The following OGDH variants were observed in gnomAD, a reference collection of about 807,000 sequenced individuals.
The protein encoded by OGDH is 2-oxoglutarate dehydrogenase complex component E1.
A neutral mutation model predicts 116.6 loss-of-function variants in OGDH; 38 were observed. The observed-to-expected ratio is 0.33, with a 90% CI of 0.25 to 0.43. The LOEUF is 0.43. Ranked by LOEUF, OGDH falls within the 20% of genes least tolerant of loss-of-function variation. The pLI is 1.00. For synonymous variants in OGDH, 488 were observed against 533.3 expected, an observed-to-expected ratio of 0.92 and a Z score of 1.17; for missense variants, 825 against 1,357.2, an observed-to-expected ratio of 0.61 and a Z score of 6.16.
intron 1 of OGDH, among the ~76,000 whole-genome samples, chr7:44,615,434 G>A (rs1784733754): frequency 6.6e-6 from 1 of 152,152 alleles, no homozygotes. Flanking sequence ...TCCCTACCTG[G>A]TCTCCACTAT....
Position 44,673,993 on chromosome 7 carries a change from C to T in OGDH, c.788+52C>T, listed in dbSNP as rs778237138. 15 of 1,609,096 alleles carry T rather than the reference C, an allele frequency of 9.3e-6. No individual in the cohort carries two copies. The South Asian group carries it at 1.4e-4, about 15-fold the overall frequency. On this transcript the variant is annotated intron_variant, in intron 6 of 22. Coordinates refer to ENST00000222673, the MANE Select transcript of OGDH (RefSeq NM_002541.4). The stretch of plus-strand genomic sequence containing the variant: ...GCAGACATTCCCAGGGAAGCAGTGA[C>T]CCTGTCTGTGTTGATCGGGCCTGTG...
intron 20 of OGDH, among the ~76,000 whole-genome samples, chr7:44,704,760 GAGTGCATT>G (rs1201789427): frequency 6.6e-6 from 1 of 151,976 alleles, no homozygotes; most frequent in Non-Finnish European, 1.5e-5. Flanking sequence ...ACCCAGGCTG[GAGTGCATT>G]AGTGCAATCT....
chr7:44,707,178 GC>G lies in OGDH; in HGVS notation c.2633-45del. ...AGCCCTGGGCCCAGGAGAGCTCTCA[GC>G]CACATACCTGAGAGAACCAGCCTAG... On this transcript the variant is annotated intron_variant, in intron 20 of 22. Coordinates refer to ENST00000222673, the MANE Select transcript of OGDH (RefSeq NM_002541.4). The surrounding 1 kb of genome is among the most constrained non-coding windows in gnomAD (Gnocchi z 5.2). The G allele has an allele frequency of 1.2e-6, 2 of 1,604,336 alleles. No individual in the cohort carries two copies. The highest frequency in any genetic ancestry group is 1.7e-6 in the Non-Finnish European group (2 of 1,174,398).
intron 10 of OGDH, among the ~76,000 whole-genome samples, chr7:44,686,331 C>G (rs1205948396): frequency 1.3e-5 from 2 of 152,152 alleles, no homozygotes; most frequent in African/African-American, 2.4e-5. Flanking sequence ...TCCCTTCTGT[C>G]TCTAATCTGT....
chr7:44,676,644 AAAATCAAC>A, intron 9 of OGDH: 1 of 228,782 alleles, frequency 4.4e-6, no homozygotes, highest in Non-Finnish European at 7.1e-6. Flanking sequence ...ATATATATTT[AAAATCAAC>A]TTTTAAAGAA....
At chr7:44,673,478 C>T (rs533079974) in intron 5 of OGDH, among the ~76,000 whole-genome samples, 5 of 152,310 alleles carry the variant, frequency 3.3e-5, no homozygotes, top group South Asian at 2.1e-4. Flanking sequence ...ACAACTGTTG[C>T]GGTCTGTGCT....
chr7:44,614,265 A>C (rs1238420895), intron 1 of OGDH, among the ~76,000 whole-genome samples: 1 of 125,356 alleles, frequency 8.0e-6, no homozygotes, highest in African/African-American at 3.0e-5. Flanking sequence ...ATAATGCACC[A>C]TTTCTCTCTG....
chr7:44,706,894 G>A (rs1226112149), intron 20 of OGDH, among the ~76,000 whole-genome samples: 2 of 152,068 alleles, frequency 1.3e-5, no homozygotes, highest in Non-Finnish European at 2.9e-5. Flanking sequence ...AAAGTGCTAG[G>A]ATTGCAGGCG....
At chr7:44,686,043 T>C (rs1255935450) in intron 10 of OGDH, among the ~76,000 whole-genome samples, 1 of 151,258 alleles carries the variant, frequency 6.6e-6, no homozygotes, top group Non-Finnish European at 1.5e-5. Context: ...ATTTTCTTTC[T>C]TTCTTTTTTT....
chr7:44,685,624 T>A (rs1292694222), intron 10 of OGDH, among the ~76,000 whole-genome samples: 1 of 152,114 alleles, frequency 6.6e-6, no homozygotes, highest in Non-Finnish European at 1.5e-5. Flanking sequence ...TGCTTTCTTT[T>A]TTTTTTTCCT....
intron 2 of OGDH, among the ~76,000 whole-genome samples, chr7:44,632,543 A>G (rs1162625471): frequency 6.6e-6 from 1 of 152,166 alleles, no homozygotes; most frequent in Admixed American, 6.5e-5. Flanking sequence ...GCTTCAAGCC[A>G]TCCTCCTGCC....
intron 12 of OGDH, among the ~76,000 whole-genome samples, chr7:44,695,573 C>T (rs1261540484): frequency 6.6e-6 from 1 of 151,974 alleles, no homozygotes; most frequent in Non-Finnish European, 1.5e-5. Context: ...CGTGGTGGCA[C>T]GCACTTGTAG....
At chr7:44,650,213 T>G (rs1786376224) in intron 4 of OGDH, among the ~76,000 whole-genome samples, 2 of 152,188 alleles carry the variant, frequency 1.3e-5, no homozygotes, top group Non-Finnish European at 2.9e-5. Flanking sequence ...GTAGGAAAAT[T>G]GGTCTCGAAC....
intron 2 of OGDH, among the ~76,000 whole-genome samples, chr7:44,624,782 C>T (rs972626593): frequency 6.6e-5 from 10 of 152,048 alleles, no homozygotes; most frequent in African/African-American, 1.9e-4. Context: ...CTTAACTCTG[C>T]GAGGATGTGA....
At chr7:44,685,193 C>T (rs927276201) in intron 10 of OGDH, among the ~76,000 whole-genome samples, 3 of 152,014 alleles carry the variant, frequency 2.0e-5, no homozygotes, top group Non-Finnish European at 4.4e-5. Context: ...ATTGTGCAAC[C>T]ATCACCACCA....
At chr7:44,641,185 G>A (rs1411007220) in intron 2 of OGDH, among the ~76,000 whole-genome samples, 1 of 146,138 alleles carries the variant, frequency 6.8e-6, no homozygotes, top group Non-Finnish European at 1.5e-5. Flanking sequence ...ACAAGCATGA[G>A]CCACCAAGCC....
chr7:44,697,494 C>T lies in OGDH; in HGVS notation c.2176C>T (p.Leu726=). The T allele has an allele frequency of 6.2e-7, 1 of 1,614,098 alleles. No individual in the cohort carries two copies. Among genetic ancestry groups the T allele is most frequent in the Non-Finnish European group, 8.5e-7 (1 of 1,180,016 alleles). The change falls in exon 16 of 23, where the codon CTG becomes TTG. Residue 726 remains leucine (L), a synonymous_variant. Transcript: ENST00000222673. The surrounding 1 kb of genome is among the most constrained non-coding windows in gnomAD (Gnocchi z 6.0). The stretch of plus-strand genomic sequence containing the variant: ...CAGCTCACTGTCTGAGTACGGCGTG[C>T]TGGGTGAGTGCCTGGAGCCACACCA... ...CNSSLSEYGV[L]GFELGFAMAS...
intron 1 of OGDH, among the ~76,000 whole-genome samples, chr7:44,608,312 G>A (rs541407936): frequency 1.4e-4 from 22 of 152,242 alleles, no homozygotes; most frequent in Admixed American, 5.2e-4. Flanking sequence ...GGAGGCTGAG[G>A]CGGGAGGATG....
chr7:44,671,081 T>A (rs1787429619), intron 5 of OGDH, among the ~76,000 whole-genome samples: 1 of 151,826 alleles, frequency 6.6e-6, no homozygotes, highest in South Asian at 2.1e-4. Context: ...CATTTTGTAT[T>A]GCTATAAAGT....
Sources: gnomAD v4.1 joint callset for allele counts (sites outside exome capture counted in the v4.1 genomes callset) on GRCh38, gnomAD v4.1.1 for gene constraint, Gnocchi (gnomAD v3.1) non-coding constraint, MANE v1.5 for transcripts, NCBI Gene and HGNC (gene_info 2026-07-23, HGNC 2026-07-21) for gene names.